MYO5A: variants seen among roughly 807,000 people sequenced by gnomAD.
The protein encoded by MYO5A is myosin VA.
Under a neutral mutation model 249.7 loss-of-function variants are expected in MYO5A, and 98 were observed. That is an observed-to-expected ratio of 0.39 (90% confidence interval 0.33 to 0.46). The LOEUF (loss-of-function observed/expected upper bound fraction) is 0.46, where lower values mean the gene tolerates loss of function less well. MYO5A is among the 20% of genes least tolerant of loss of function. The probability of loss-of-function intolerance (pLI) is 0.98; values close to 1 mark genes in which losing one functional copy is unlikely to be tolerated. For synonymous variants in MYO5A, 778 were observed against 810.6 expected, an observed-to-expected ratio of 0.96 and a Z score of 0.68; for missense variants, 1,696 against 2,308.8, an observed-to-expected ratio of 0.73 and a Z score of 5.44.
intron 1 of MYO5A, among the ~76,000 whole-genome samples, chr15:52,501,081 T>C (rs2077147721): frequency 6.6e-6 from 1 of 151,986 alleles, no homozygotes; most frequent in Non-Finnish European, 1.5e-5. Flanking sequence ...GCCATTCTCC[T>C]GCCTCAGCCT....
At chr15:52,393,550 T>C (rs2693456) in intron 11 of MYO5A, among the ~76,000 whole-genome samples, 139,130 of 152,004 alleles carry the variant, frequency 0.92, 64,801 homozygotes, top group Non-Finnish European at 1. Context: ...TGTGCCACCA[T>C]GCCCAGCTAA....
intron 31 of MYO5A, among the ~76,000 whole-genome samples, chr15:52,341,755 AAGC>A (rs2039394093): frequency 6.7e-6 from 1 of 149,908 alleles, no homozygotes; most frequent in Non-Finnish European, 1.5e-5. Context: ...AAAGCAGAAT[AAGC>A]AGAAGCCCCT....
chr15:52,367,237 G>T, intron 22 of MYO5A, 113 bp from the exon 23 acceptor site: 2 of 910,110 alleles, frequency 2.2e-6, no homozygotes, highest in African/African-American at 1.6e-5. Context: ...TGTGCTCCCT[G>T]TCTTTGCCTG....
intron 32 of MYO5A, among the ~76,000 whole-genome samples, chr15:52,339,544 C>CA (rs982189056): frequency 2.1e-4 from 31 of 148,126 alleles, no homozygotes; most frequent in Non-Finnish European, 3.6e-4. Context: ...AGGAACAAGG[C>CA]AAAAAAAAGA....
At chr15:52,451,101 T>A (rs572038327) in intron 1 of MYO5A, among the ~76,000 whole-genome samples, 1 of 152,250 alleles carries the variant, frequency 6.6e-6, no homozygotes, top group African/African-American at 2.4e-5. Context: ...CTCATAGACA[T>A]CTTAAATTCA....
intron 11 of MYO5A, among the ~76,000 whole-genome samples, chr15:52,395,069 C>G (rs2042426419): frequency 6.6e-6 from 1 of 152,286 alleles, no homozygotes; most frequent in East Asian, 1.9e-4. Context: ...TTTATAATGA[C>G]AAGTAGCAAT....
intron 1 of MYO5A, among the ~76,000 whole-genome samples, chr15:52,437,594 C>CAAA (rs57299562): frequency 5.6e-4 from 41 of 73,852 alleles, no homozygotes; most frequent in African/African-American, 1.2e-3. Context: ...GACTCCATCT[C>CAAA]AAAAAAAAAA....
chr15:52,325,396 C>A (rs976049431), intron 36 of MYO5A, among the ~76,000 whole-genome samples: 2 of 150,886 alleles, frequency 1.3e-5, no homozygotes, highest in African/African-American at 4.9e-5. Flanking sequence ...CTAGGCTTTG[C>A]TAAGCCCCCC....
chr15:52,486,945 T>A (rs981680375), intron 1 of MYO5A, among the ~76,000 whole-genome samples: 5 of 152,240 alleles, frequency 3.3e-5, no homozygotes, highest in Admixed American at 2.0e-4. Context: ...GGATATGGGC[T>A]TTCTTAAGAA....
rs568236269 is a variant in MYO5A at position 52,317,034 on chromosome 15, G to T, written c.5409+14C>A. ...GAATGTTAAATTATTTTGTAACAGG[G>T]AAAGTTGCTCTACCTGGGCAGTAGT... is the stretch of plus-strand genomic sequence containing the variant. On this transcript the variant is annotated intron_variant, in intron 40 of 41. Coordinates refer to ENST00000399233, the MANE Select transcript of MYO5A (RefSeq NM_001382347.1). 5.6e-6 allele frequency: 9 copies of T among 1,609,400 alleles called. No homozygotes were observed. The African/African-American group carries it at 8.0e-5, about 14-fold the overall frequency.
intron 4 of MYO5A, among the ~76,000 whole-genome samples, chr15:52,421,140 G>A (rs941585363): frequency 1.3e-5 from 2 of 152,070 alleles, no homozygotes; most frequent in Admixed American, 6.5e-5. Flanking sequence ...AAGCCTATTT[G>A]CATAAATAGG....
chr15:52,488,633 G>C (rs961012512), intron 1 of MYO5A, among the ~76,000 whole-genome samples: 2 of 152,114 alleles, frequency 1.3e-5, no homozygotes, highest in South Asian at 2.1e-4. Context: ...ACATATGAGT[G>C]AAATAATAAA....
At chr15:52,509,909 C>T (rs1465416465) in intron 1 of MYO5A, among the ~76,000 whole-genome samples, 1 of 151,856 alleles carries the variant, frequency 6.6e-6, no homozygotes, top group Non-Finnish European at 1.5e-5. Context: ...AAAAAAAGAG[C>T]ACAAAAAAGC....
chr15:52,357,707 C>T (rs2040314882), intron 25 of MYO5A, among the ~76,000 whole-genome samples: 1 of 152,168 alleles, frequency 6.6e-6, no homozygotes, highest in African/African-American at 2.4e-5. Flanking sequence ...TAAAGAGATG[C>T]TATCAAATTA....
At chr15:52,525,651 ATCCTAGAACT>A (rs1431695954) in intron 1 of MYO5A, among the ~76,000 whole-genome samples, 2 of 152,180 alleles carry the variant, frequency 1.3e-5, no homozygotes, top group African/African-American at 2.4e-5. Flanking sequence ...CTTGTAATCT[ATCCTAGAACT>A]TCCTTCCTAT....
intron 29 of MYO5A, among the ~76,000 whole-genome samples, chr15:52,347,039 T>A (rs1375500580): frequency 6.6e-6 from 1 of 152,056 alleles, no homozygotes; most frequent in Admixed American, 6.5e-5. Flanking sequence ...TCCTCTAGTA[T>A]AACATAACAT....
At chr15:52,488,206 T>TAA (rs5812610) in intron 1 of MYO5A, among the ~76,000 whole-genome samples, 95 of 148,282 alleles carry the variant, frequency 6.4e-4, no homozygotes, top group African/African-American at 2.2e-3. Context: ...AGAGAAGGAT[T>TAA]AAAAAAAAAA....
At chr15:52,353,362 T>A (rs1393583578) in intron 27 of MYO5A, among the ~76,000 whole-genome samples, 2 of 152,214 alleles carry the variant, frequency 1.3e-5, no homozygotes, top group Non-Finnish European at 2.9e-5. Context: ...GTCCACGTCC[T>A]TTACTACCAC....
intron 16 of MYO5A, 111 bp downstream of exon 16, chr15:52,382,980 C>A (rs925202773): frequency 1.1e-6 from 1 of 928,424 alleles, no homozygotes; most frequent in Non-Finnish European, 1.8e-6. Context: ...GAAGACTTAC[C>A]CAAATATTTT....
Sources: gnomAD v4.1 joint callset for allele counts (sites outside exome capture counted in the v4.1 genomes callset) on GRCh38, gnomAD v4.1.1 for gene constraint, MANE v1.5 for transcripts, NCBI Gene and HGNC (gene_info 2026-07-23, HGNC 2026-07-21) for gene names.